Variants in CLINT1 observed in about 807,000 individuals in gnomAD.
CLINT1 encodes the protein clathrin interacting protein localized in the trans-Golgi region.
A neutral mutation model predicts 70.4 loss-of-function variants in CLINT1; 15 were observed. That is an observed-to-expected ratio of 0.21 (90% CI 0.14 to 0.33). The LOEUF (loss-of-function observed/expected upper bound fraction) is 0.33. Ranked by LOEUF, CLINT1 falls within the 10% of genes least tolerant of loss-of-function variation. The probability of loss-of-function intolerance (pLI) is 1.00; values close to 1 mark genes in which losing one functional copy is unlikely to be tolerated. For synonymous variants in CLINT1, 227 were observed against 254.7 expected (o/e 0.89, Z 1.04); for missense variants, 615 against 778.1 (o/e 0.79, Z 2.49).
chr5:157,817,851 T>C (rs576384477), intron 1 of CLINT1, among the ~76,000 whole-genome samples: 1 of 152,204 alleles, frequency 6.6e-6, no homozygotes, highest in Admixed American at 6.5e-5. Context: ...AAACAAAAAC[T>C]GAACATGCTG....
chr5:157,810,340 AT>A (rs1242245603), intron 5 of CLINT1, among the ~76,000 whole-genome samples: 3 of 152,238 alleles, frequency 2.0e-5, no homozygotes, highest in African/African-American at 7.2e-5. Context: ...AACTAAAAAA[AT>A]AATTCAATGA....
chr5:157,799,573 T>C (rs73310955), intron 8 of CLINT1, among the ~76,000 whole-genome samples: 2,553 of 152,194 alleles, frequency 0.017, 76 homozygotes, highest in African/African-American at 0.058. Flanking sequence ...AAGACCTAAA[T>C]TTCTTAATTA....
chr5:157,833,788 A>C (rs1194130296), intron 1 of CLINT1, among the ~76,000 whole-genome samples: 6 of 151,738 alleles, frequency 4.0e-5, no homozygotes, highest in Non-Finnish European at 1.5e-5. Flanking sequence ...AAAAAATACA[A>C]AAATTATCCA....
chr5:157,858,379 A>G (rs1281047646), intron 1 of CLINT1, among the ~76,000 whole-genome samples: 1 of 152,232 alleles, frequency 6.6e-6, no homozygotes. Flanking sequence ...GGCTGACCAC[A>G]ATAGCCACTT....
intron 1 of CLINT1, among the ~76,000 whole-genome samples, chr5:157,833,462 A>T (rs1763312034): frequency 6.6e-6 from 1 of 152,144 alleles, no homozygotes; most frequent in African/African-American, 2.4e-5. Flanking sequence ...TCTCCTGAAG[A>T]ATAGGCCTTT....
chr5:157,802,980 G>A (rs549676700), intron 8 of CLINT1, among the ~76,000 whole-genome samples: 5 of 152,152 alleles, frequency 3.3e-5, no homozygotes, highest in South Asian at 2.1e-4. Context: ...CTTGACCTTC[G>A]CATGAGGACA....
rs763744474 is a variant in CLINT1 at position 157,791,989 on chromosome 5, GCTGTTA to G, written c.1088_1093del (p.Val363_Thr364del). On this transcript the variant is annotated inframe_deletion and splice_region_variant, in exon 10 of 12. Transcript: ENST00000411809. ...ACCAAAGTCTCCATTCCCACTTGTT[GCTGTTA>G]CTAAGACAGAAATAACTCTAAGGGT... 3.5e-5 allele frequency: 56 copies of G among 1,612,608 alleles called. No homozygotes were observed. In the African/African-American group the frequency reaches 7.2e-4, roughly 21 times the overall value.
At chr5:157,838,122 G>GTTTTTT (rs199515235) in intron 1 of CLINT1, among the ~76,000 whole-genome samples, 2 of 129,944 alleles carry the variant, frequency 1.5e-5, no homozygotes, top group African/African-American at 2.9e-5. Flanking sequence ...AGGTTTTTTT[G>GTTTTTT]TTTTTTTTTT....
intron 1 of CLINT1, among the ~76,000 whole-genome samples, chr5:157,826,455 A>G (rs1045802638): frequency 6.6e-6 from 1 of 152,042 alleles, no homozygotes; most frequent in Non-Finnish European, 1.5e-5. Context: ...CTGTCCATGA[A>G]TTATCATTTT....
chr5:157,795,183 T>C, intron 8 of CLINT1: 1 of 534,172 alleles, frequency 1.9e-6, no homozygotes, highest in Non-Finnish European at 3.3e-6. Flanking sequence ...GTCCTATATC[T>C]AGTAAGATAA....
chr5:157,799,087 G>A (rs562474056), intron 8 of CLINT1, among the ~76,000 whole-genome samples: 1 of 152,106 alleles, frequency 6.6e-6, no homozygotes, highest in Non-Finnish European at 1.5e-5. Flanking sequence ...TACATTAATG[G>A]AATATGTAGA....
chr5:157,814,123 T>TC, intron 4 of CLINT1, 62 bp downstream of exon 4: 9 of 1,051,974 alleles, frequency 8.6e-6, no homozygotes, highest in Non-Finnish European at 1.3e-5. Context: ...CTAAGCTGGT[T>TC]CAGGTGACTG....
chr5:157,857,369 G>A (rs909906711), intron 1 of CLINT1, among the ~76,000 whole-genome samples: 2 of 151,998 alleles, frequency 1.3e-5, no homozygotes, highest in Non-Finnish European at 2.9e-5. Flanking sequence ...TTCATCTTCG[G>A]TAAGCAAAAG....
At chr5:157,834,997 G>C (rs990648536) in intron 1 of CLINT1, among the ~76,000 whole-genome samples, 1 of 152,064 alleles carries the variant, frequency 6.6e-6, no homozygotes, top group Non-Finnish European at 1.5e-5. Flanking sequence ...ATTAGCAGAG[G>C]AGCAAAAAAC....
chr5:157,850,105 G>A (rs1019791906), intron 1 of CLINT1, among the ~76,000 whole-genome samples: 11 of 152,092 alleles, frequency 7.2e-5, no homozygotes, highest in East Asian at 1.9e-4. Context: ...GATCACAGGC[G>A]GGGCAACAAA....
At chr5:157,788,524 T>C (rs1761796860) in intron 11 of CLINT1, among the ~76,000 whole-genome samples, 1 of 152,212 alleles carries the variant, frequency 6.6e-6, no homozygotes, top group Non-Finnish European at 1.5e-5. Flanking sequence ...TTGAAATAAT[T>C]AGCAAGGGAA....
At chr5:157,803,134 G>A (rs773724354) in intron 8 of CLINT1, among the ~76,000 whole-genome samples, 19 of 152,182 alleles carry the variant, frequency 1.2e-4, no homozygotes, top group Admixed American at 3.9e-4. Context: ...AGTAAAATGC[G>A]CAGAGCAGTA....
chr5:157,829,593 G>C (rs997223794), intron 1 of CLINT1, among the ~76,000 whole-genome samples: 1 of 150,402 alleles, frequency 6.6e-6, no homozygotes, highest in African/African-American at 2.4e-5. Flanking sequence ...TGATTTTTCA[G>C]CTCACTGCAG....
At chr5:157,814,060 G>T in intron 4 of CLINT1, 125 bp downstream of exon 4, 1 of 669,240 alleles carries the variant, frequency 1.5e-6, no homozygotes, top group Non-Finnish European at 2.6e-6. Context: ...CTTGGATTCT[G>T]CACTCGTCAC....
Sources: allele counts gnomAD v4.1 joint callset (sites outside exome capture counted in the v4.1 genomes callset), GRCh38; gene constraint gnomAD v4.1.1; transcripts MANE v1.5; gene names NCBI Gene and HGNC (gene_info 2026-07-23, HGNC 2026-07-21).